SVEP1: variants seen among roughly 807,000 people sequenced by gnomAD.
SVEP1 encodes the protein sushi, von Willebrand factor type A, EGF and pentraxin domain-containing protein 1.
SVEP1 carries 164 observed loss-of-function variants against 367.3 expected under a neutral mutation model. The observed-to-expected ratio is 0.45, with a 90% CI of 0.39 to 0.51. The LOEUF (loss-of-function observed/expected upper bound fraction) is 0.51. Ranked by LOEUF, SVEP1 falls within the 20% of genes least tolerant of loss-of-function variation. SVEP1 has a pLI of 0.00. For synonymous variants in SVEP1, 1,666 were observed against 1,611.6 expected, an observed-to-expected ratio of 1.03 and a Z score of -0.81; for missense variants, 4,117 against 4,425.3, an observed-to-expected ratio of 0.93 and a Z score of 1.98.
chr9:110,577,240 A>C (rs937651528), intron 1 of SVEP1, among the ~76,000 whole-genome samples: 1 of 152,134 alleles, frequency 6.6e-6, no homozygotes. Context: ...AGATATTTAA[A>C]TATGTTGTAA....
At chr9:110,450,383 A>G in intron 23 of SVEP1, 123 bp from the exon 24 acceptor site, 1 of 984,132 alleles carries the variant, frequency 1.0e-6, no homozygotes, top group Middle Eastern at 3.2e-4. Flanking sequence ...TGTGGAGCCC[A>G]TCAAACTGGT....
At position 110,391,552 on chromosome 9, in the gene SVEP1, G is replaced by A. The variant is rs112081863; in HGVS notation, c.9823-1965C>T. On this transcript the variant is annotated intron_variant, in intron 40 of 47. Transcript: ENST00000374469. ...CTCCCAAAGTGCTGAGGTTATAGGCGTGAGCCACCATGCCCGGCCTTGATG... is the reference window on the plus strand; with the variant it reads ...CTCCCAAAGTGCTGAGGTTATAGGCATGAGCCACCATGCCCGGCCTTGATG... 1.8e-3 allele frequency among the ~76,000 whole-genome samples: 278 copies of A among 152,242 alleles called. 1 individual carries two copies. Among genetic ancestry groups the A allele is most frequent in the African/African-American group, 6.4e-3 (268 of 41,556 alleles).
At chr9:110,532,204 G>A (rs1231008140) in intron 3 of SVEP1, among the ~76,000 whole-genome samples, 1 of 152,074 alleles carries the variant, frequency 6.6e-6, no homozygotes, top group Non-Finnish European at 1.5e-5. Flanking sequence ...AAAAAATAAA[G>A]GAGGCATAAT....
intron 42 of SVEP1, among the ~76,000 whole-genome samples, chr9:110,386,938 TTTTC>T (rs1263754645): frequency 6.6e-6 from 1 of 152,060 alleles, no homozygotes; most frequent in Non-Finnish European, 1.5e-5. Flanking sequence ...ATTAAATGTA[TTTTC>T]TTTCATTTCT....
intron 3 of SVEP1, among the ~76,000 whole-genome samples, chr9:110,532,772 T>C (rs1300880897): frequency 6.6e-6 from 1 of 152,048 alleles, no homozygotes; most frequent in Non-Finnish European, 1.5e-5. Flanking sequence ...TCTAGCAGCA[T>C]CCCTGACTGC....
intron 39 of SVEP1, among the ~76,000 whole-genome samples, chr9:110,403,295 C>CTTTTTT (rs1827891614): frequency 2.7e-5 from 1 of 36,890 alleles, no homozygotes; most frequent in Non-Finnish European, 4.4e-5. Flanking sequence ...CCGCCACCGC[C>CTTTTTT]GTTTTTTTTT....
chr9:110,492,418 C>T (rs1333133345), intron 8 of SVEP1, among the ~76,000 whole-genome samples: 2 of 152,006 alleles, frequency 1.3e-5, no homozygotes, highest in African/African-American at 2.4e-5. Context: ...ACTCCTTTTA[C>T]TTGGGCGAAA....
At chr9:110,501,482 T>C (rs1829527736) in intron 6 of SVEP1, among the ~76,000 whole-genome samples, 1 of 150,868 alleles carries the variant, frequency 6.6e-6, no homozygotes, top group Non-Finnish European at 1.5e-5. Context: ...CTCTCGTTGA[T>C]TAGTAGATTC....
chr9:110,515,020 C>G (rs1829782192), intron 3 of SVEP1, among the ~76,000 whole-genome samples: 2 of 152,186 alleles, frequency 1.3e-5, no homozygotes, highest in African/African-American at 4.8e-5. Context: ...ACTGCTTTTC[C>G]CAGGCTCATG....
intron 1 of SVEP1, among the ~76,000 whole-genome samples, chr9:110,556,307 T>C (rs1172766524): frequency 6.6e-6 from 1 of 151,970 alleles, no homozygotes; most frequent in East Asian, 1.9e-4. Flanking sequence ...TGAAAAATGG[T>C]CTTGAAAGAA....
At chr9:110,578,578 A>C (rs777755945) in intron 1 of SVEP1, among the ~76,000 whole-genome samples, 3 of 152,240 alleles carry the variant, frequency 2.0e-5, no homozygotes, top group Non-Finnish European at 4.4e-5. Context: ...TGGAGCAAAA[A>C]TAGGAAGGGC....
rs750604525 is a variant in SVEP1 at position 110,443,598 on chromosome 9, T to C, written c.4586A>G (p.Asp1529Gly). 7 of 1,612,502 alleles carry C rather than the reference T, an allele frequency of 4.3e-6. No individual in the cohort carries two copies. Among genetic ancestry groups the C allele is most frequent in the African/African-American group, 2.7e-5 (2 of 74,872 alleles). The change falls in exon 27 of 48, where the codon GAT (aspartate) becomes GGT (glycine). Residue 1529 changes from aspartate to glycine, a missense_variant. By Grantham distance (94) the Asp-to-Gly change is moderately conservative. This residue lies in a region of SVEP1 where 2,174 missense variants were observed against 2,494.3 expected (regional missense o/e 0.87). Transcript: ENST00000374469. ...SANGIWKVYI[D>G]GKLSDGGAGL... is the part of the protein sequence containing the mutation. Reference sequence around the variant, plus strand: ...AGCACCACCGTCAGATAATTTCCCATCGATATAGACTTTCCAGATGCCATT... The same window carrying C: ...AGCACCACCGTCAGATAATTTCCCACCGATATAGACTTTCCAGATGCCATT...
chr9:110,572,212 C>A (rs1830571866), intron 1 of SVEP1, among the ~76,000 whole-genome samples: 1 of 152,300 alleles, frequency 6.6e-6, no homozygotes, highest in East Asian at 1.9e-4. Context: ...TAATTATGGT[C>A]ATTGTTAAGA....
intron 46 of SVEP1, among the ~76,000 whole-genome samples, chr9:110,372,830 A>C (rs899700434): frequency 2.6e-5 from 4 of 152,190 alleles, no homozygotes; most frequent in Non-Finnish European, 5.9e-5. Context: ...AGCTGTGCTG[A>C]AGCTGGCTTA....
intron 20 of SVEP1, chr9:110,457,978 G>A: frequency 3.1e-6 from 1 of 322,866 alleles, no homozygotes; most frequent in South Asian, 2.6e-5. Flanking sequence ...AACTAGTCTT[G>A]TAAAAAATAT....
intron 24 of SVEP1, 59 bp downstream of exon 24, chr9:110,450,000 G>A (rs1349208403): frequency 6.4e-7 from 1 of 1,573,116 alleles, no homozygotes; most frequent in African/African-American, 1.4e-5. Flanking sequence ...AAAGGCTGCA[G>A]AATCACTGAA....
At chr9:110,545,887 C>T (rs1305739897) in intron 3 of SVEP1, among the ~76,000 whole-genome samples, 1 of 152,128 alleles carries the variant, frequency 6.6e-6, no homozygotes, top group Non-Finnish European at 1.5e-5. Flanking sequence ...AGACTATTGT[C>T]AGACACCCAA....
intron 3 of SVEP1, among the ~76,000 whole-genome samples, chr9:110,538,082 C>T (rs1310086433): frequency 6.6e-6 from 1 of 151,960 alleles, no homozygotes; most frequent in African/African-American, 2.4e-5. Context: ...CTAAGGAACA[C>T]AACACACTGA....
At chr9:110,568,959 G>A (rs1830523303) in intron 1 of SVEP1, among the ~76,000 whole-genome samples, 1 of 151,934 alleles carries the variant, frequency 6.6e-6, no homozygotes, top group Non-Finnish European at 1.5e-5. Flanking sequence ...AATTAGCCAG[G>A]CATAATTTGT....
Sources: allele counts gnomAD v4.1 joint callset (sites outside exome capture counted in the v4.1 genomes callset), GRCh38; gene constraint gnomAD v4.1.1; regional missense constraint gnomAD v4.1.1; transcripts MANE v1.5; gene names NCBI Gene and HGNC (gene_info 2026-07-23, HGNC 2026-07-21).